The following DCK variants were observed in gnomAD, a reference collection of about 807,000 sequenced individuals.
The protein encoded by DCK is deoxycytidine kinase.
DCK carries 23 observed loss-of-function variants against 38.3 expected under a neutral mutation model. The observed-to-expected ratio is 0.60, with a 90% CI of 0.43 to 0.85. DCK has a LOEUF of 0.85. Among genes scored for constraint, DCK ranks in the 40% least tolerant of loss-of-function variants. The pLI, the probability that DCK is intolerant of heterozygous loss-of-function variation, is 0.00. For synonymous variants in DCK, 108 were observed against 100.6 expected (o/e 1.07, Z -0.44); for missense variants, 259 against 304.4 (o/e 0.85, Z 1.11).
At chr4:71,013,815 G>T (rs890670767) in intron 2 of DCK, among the ~76,000 whole-genome samples, 5 of 152,180 alleles carry the variant, frequency 3.3e-5, no homozygotes, top group African/African-American at 1.2e-4. Flanking sequence ...ATGCCAAATT[G>T]TAAAGACCAT....
chr4:70,997,360 T>G (rs965218388), intron 1 of DCK, among the ~76,000 whole-genome samples: 2 of 152,166 alleles, frequency 1.3e-5, no homozygotes, highest in Non-Finnish European at 2.9e-5. Flanking sequence ...GTGGCCAGTG[T>G]TTTTACCATG....
At chr4:71,006,286 A>G (rs1343820801) in intron 2 of DCK, 1 of 938,122 alleles carries the variant, frequency 1.1e-6, no homozygotes, top group African/African-American at 1.8e-5. Context: ...ATTTTGCAGC[A>G]TTTTACCGTT....
intron 4 of DCK, 89 bp downstream of exon 4, chr4:71,023,795 T>G: frequency 8.1e-7 from 1 of 1,239,542 alleles, no homozygotes; most frequent in Non-Finnish European, 1.1e-6. Context: ...CAATTTAGTT[T>G]AACTCCAGCC....
In DCK at chr4:70,993,940, G is replaced by A. The variant is rs1462872750; in HGVS notation, c.91+14G>A. 4 of 1,584,590 alleles carry A rather than the reference G, an allele frequency of 2.5e-6. No homozygotes were observed. Among genetic ancestry groups the A allele is most frequent in the Non-Finnish European group, 3.5e-6 (4 of 1,153,726 alleles). On this transcript the variant is annotated intron_variant, in intron 1 of 6. Transcript: ENST00000286648. Reference sequence around the variant, plus strand: ...AAGGGAACATCGGTAAGGAGCCTCCGGAAATGTGGGACGCAAGGCTGGGGT... The same window carrying A: ...AAGGGAACATCGGTAAGGAGCCTCCAGAAATGTGGGACGCAAGGCTGGGGT...
intron 2 of DCK, among the ~76,000 whole-genome samples, chr4:71,011,989 TA>T (rs1242537463): frequency 2.0e-5 from 3 of 152,216 alleles, no homozygotes; most frequent in Admixed American, 6.5e-5. Flanking sequence ...ATATGTAATT[TA>T]AAAAATATTA....
At chr4:71,022,987 C>G (rs780698356) in intron 3 of DCK, among the ~76,000 whole-genome samples, 14 of 152,142 alleles carry the variant, frequency 9.2e-5, no homozygotes, top group Non-Finnish European at 1.6e-4. Flanking sequence ...AACAGAGGTT[C>G]TCAAACATTT....
chr4:71,010,291 C>A (rs949332672), intron 2 of DCK, among the ~76,000 whole-genome samples: 1 of 151,644 alleles, frequency 6.6e-6, no homozygotes, highest in Admixed American at 6.6e-5. Context: ...TCTCCCTTCT[C>A]CAAATCTCTC....
intron 6 of DCK, 150 bp downstream of exon 6, chr4:71,026,905 C>A (rs552017981): frequency 9.3e-6 from 4 of 428,704 alleles, no homozygotes; most frequent in Non-Finnish European, 8.4e-6. Flanking sequence ...GTTTAAGATT[C>A]CAGTCCTGAC....
At chr4:71,020,475 T>C (rs1360981989) in intron 2 of DCK, among the ~76,000 whole-genome samples, 1 of 152,210 alleles carries the variant, frequency 6.6e-6, no homozygotes, top group African/African-American at 2.4e-5. Flanking sequence ...TTGCAGTATA[T>C]TAGTAGGTGT....
rs530625680 is a variant in DCK, at chr4:71,016,910, A to G, written c.208-5457A>G. ...TGTCTAAAACACCAAAAGCAATGGC[A>G]ACAAAAGCCAACATTGACAAATGGG... On this transcript the variant is annotated intron_variant, in intron 2 of 6. Transcript: ENST00000286648. Among the ~76,000 whole-genome samples, 78 of 152,368 alleles carry G rather than the reference A, an allele frequency of 5.1e-4. 2 individuals carry two copies. In the South Asian group the frequency reaches 0.016, roughly 31 times the overall value.
chr4:71,006,867 C>T (rs763109424), intron 2 of DCK, among the ~76,000 whole-genome samples: 4 of 151,476 alleles, frequency 2.6e-5, no homozygotes, highest in Non-Finnish European at 1.5e-5. Context: ...TGTATGCTAA[C>T]AACTTACTTT....
intron 2 of DCK, among the ~76,000 whole-genome samples, chr4:71,015,232 G>C (rs900751395): frequency 6.6e-6 from 1 of 152,162 alleles, no homozygotes; most frequent in African/African-American, 2.4e-5. Context: ...GACTAAACCA[G>C]GAAGAAGTTG....
chr4:70,993,722 G>A lies in DCK; in HGVS notation c.-114G>A. 3 of 687,536 alleles carry A rather than the reference G, an allele frequency of 4.4e-6. No homozygotes were observed. The highest frequency in any genetic ancestry group is 7.4e-6 in the Non-Finnish European group (3 of 407,252). The allele number at this position is 687,536 out of a possible 1,614,324, so 42.6% of individuals were successfully genotyped here. On this transcript the variant is annotated 5_prime_UTR_variant, in exon 1 of 7. Coordinates refer to ENST00000286648, the MANE Select transcript of DCK (RefSeq NM_000788.3). ...CGGCGGGCCGGTGAGCTCACTAGCTGACCCGGCAGGTCAGGATCTGGCTTA... is the reference window on the plus strand; with the variant it reads ...CGGCGGGCCGGTGAGCTCACTAGCTAACCCGGCAGGTCAGGATCTGGCTTA...
intron 2 of DCK, among the ~76,000 whole-genome samples, chr4:71,009,188 C>T (rs551801319): frequency 1.3e-5 from 2 of 152,244 alleles, no homozygotes; most frequent in South Asian, 2.1e-4. Context: ...CTCAAGGATT[C>T]GGGTGCTTTT....
chr4:71,012,653 CAG>C (rs1408807953), intron 2 of DCK, among the ~76,000 whole-genome samples: 2 of 152,224 alleles, frequency 1.3e-5, no homozygotes, highest in Non-Finnish European at 2.9e-5. Flanking sequence ...CCCAGGCAAA[CAG>C]GGTCTGGAGT....
intron 2 of DCK, among the ~76,000 whole-genome samples, chr4:71,001,372 T>C (rs2148912641): frequency 6.6e-6 from 1 of 152,350 alleles, no homozygotes; most frequent in South Asian, 2.1e-4. Flanking sequence ...TTTAATGTGC[T>C]ACTGGATTCG....
At chr4:71,025,731 G>A (rs1740531851) in intron 4 of DCK, 85 bp from the exon 5 acceptor site, 2 of 1,465,660 alleles carry the variant, frequency 1.4e-6, no homozygotes, top group Non-Finnish European at 1.8e-6. Context: ...TGAGTAGAGA[G>A]ACACAGAAAA....
intron 2 of DCK, among the ~76,000 whole-genome samples, chr4:71,014,978 A>G (rs1420115491): frequency 6.6e-6 from 1 of 152,362 alleles, no homozygotes; most frequent in East Asian, 1.9e-4. Context: ...CAATGAATCC[A>G]GGAGCTGGTT....
At chr4:71,003,932 A>G (rs1429077710) in intron 2 of DCK, among the ~76,000 whole-genome samples, 1 of 151,902 alleles carries the variant, frequency 6.6e-6, no homozygotes, top group Non-Finnish European at 1.5e-5. Context: ...TTTGTTATTA[A>G]CCCACCTTCT....
Sources: gnomAD v4.1 joint callset for allele counts (sites outside exome capture counted in the v4.1 genomes callset) on GRCh38, gnomAD v4.1.1 for gene constraint, MANE v1.5 for transcripts, NCBI Gene and HGNC (gene_info 2026-07-23, HGNC 2026-07-21) for gene names.